The following HIRA variants were observed in gnomAD, a reference collection of about 807,000 sequenced individuals.
The protein encoded by HIRA is histone cell cycle regulator, also known as protein HIRA.
Under a neutral mutation model 126.6 loss-of-function variants are expected in HIRA, and 13 were observed. The observed-to-expected ratio is 0.10, with a 90% CI of 0.07 to 0.16. The LOEUF (loss-of-function observed/expected upper bound fraction) is 0.16. Among genes scored for constraint, HIRA ranks in the 10% least tolerant of loss-of-function variants. The pLI is 1.00. For missense variants in HIRA, 834 were observed against 1,314.4 expected (o/e 0.63, Z 5.65); for synonymous variants, 511 against 520.0 (o/e 0.98, Z 0.24).
intron 1 of HIRA, among the ~76,000 whole-genome samples, chr22:19,429,180 C>T (rs1601867652): frequency 8.8e-6 from 1 of 113,362 alleles, no homozygotes. Context: ...TCACTGTCAT[C>T]AGGCTGGAGT....
intron 9 of HIRA, among the ~76,000 whole-genome samples, chr22:19,391,836 A>G (rs1197868236): frequency 6.6e-6 from 1 of 152,140 alleles, no homozygotes; most frequent in Non-Finnish European, 1.5e-5. Context: ...GGCATTGACC[A>G]CTGAGGGTGC....
intron 24 of HIRA, among the ~76,000 whole-genome samples, chr22:19,338,232 T>C (rs558069825): frequency 2.7e-4 from 41 of 152,286 alleles, no homozygotes; most frequent in Non-Finnish European, 4.9e-4. Flanking sequence ...GTGTCATATA[T>C]GAAGGAGGCA....
chr22:19,375,921 A>T (rs1601828095), intron 14 of HIRA, 129 bp from the exon 15 acceptor site: 1 of 980,096 alleles, frequency 1.0e-6, no homozygotes, highest in South Asian at 1.7e-5. Context: ...AAAAAATGTC[A>T]AGATACAATC....
chr22:19,366,987 T>G (rs1031106762), intron 15 of HIRA, among the ~76,000 whole-genome samples: 2 of 152,180 alleles, frequency 1.3e-5, no homozygotes, highest in Non-Finnish European at 2.9e-5. Context: ...GGTCTTGAGC[T>G]CCTGACCTCA....
rs2088752571 is a variant in HIRA at position 19,351,133 on chromosome 22, G to C, written c.2937+225C>G. Reference sequence around the variant, plus strand: ...CCTGCAGGCAGCCTCCCTCAGCACAGGCACGTGGCGGAGCACTCCGTGGCT... The same window carrying C: ...CCTGCAGGCAGCCTCCCTCAGCACACGCACGTGGCGGAGCACTCCGTGGCT... On this transcript the variant is annotated intron_variant, in intron 24 of 24. Transcript: ENST00000263208. This position sits in a 1 kb window ranked among gnomAD's most constrained non-coding sequence, Gnocchi z 4.8. 1.0e-6 allele frequency: 1 copy of C among 985,346 alleles called. No individual in the cohort carries two copies. Among genetic ancestry groups the C allele is most frequent in the East Asian group, 1.1e-4 (1 of 8,796 alleles). The allele number at this position is 985,346 out of a possible 1,614,324, so 61.0% of individuals were successfully genotyped here. A position where few individuals can be genotyped will look rare whatever the true frequency, so the allele number is the denominator to read the frequency against.
At chr22:19,375,231 T>C (rs1324283292) in intron 15 of HIRA, among the ~76,000 whole-genome samples, 1 of 152,188 alleles carries the variant, frequency 6.6e-6, no homozygotes, top group Non-Finnish European at 1.5e-5. Flanking sequence ...CTCTGGTCAG[T>C]TTCTGAGTGG....
intron 1 of HIRA, among the ~76,000 whole-genome samples, chr22:19,420,256 G>C (rs1365142699): frequency 2.0e-5 from 3 of 151,736 alleles, no homozygotes; most frequent in Non-Finnish European, 4.4e-5. Flanking sequence ...TGAGGAATTC[G>C]AGACCACTTT....
intron 3 of HIRA, among the ~76,000 whole-genome samples, chr22:19,408,126 C>CA (rs1283598809): frequency 6.6e-6 from 1 of 152,200 alleles, no homozygotes; most frequent in Non-Finnish European, 1.5e-5. Flanking sequence ...CAGAGAGCCT[C>CA]AGAGTGACAC....
chr22:19,416,248 A>C (rs993938986), intron 1 of HIRA, among the ~76,000 whole-genome samples: 13 of 152,218 alleles, frequency 8.5e-5, no homozygotes, highest in African/African-American at 3.1e-4. Context: ...ACCTGCATAT[A>C]TATCTTAGAA....
chr22:19,368,692 T>C (rs1351875930), intron 15 of HIRA, among the ~76,000 whole-genome samples: 1 of 152,138 alleles, frequency 6.6e-6, no homozygotes, highest in East Asian at 1.9e-4. Flanking sequence ...TTGTGAAACA[T>C]GGAAAAAAAG....
At chr22:19,346,496 A>G (rs781846831) in intron 24 of HIRA, among the ~76,000 whole-genome samples, 12 of 152,258 alleles carry the variant, frequency 7.9e-5, no homozygotes, top group Non-Finnish European at 1.5e-4. Context: ...TGTTGAGATC[A>G]GGAGAGGACC....
At chr22:19,399,305 T>C (rs1231701797) in intron 5 of HIRA, 1 of 219,252 alleles carries the variant, frequency 4.6e-6, no homozygotes, top group Non-Finnish European at 7.7e-6. Flanking sequence ...TCCAAATATC[T>C]ATTGTATTTT....
chr22:19,355,134 T>C (rs2088798876), intron 21 of HIRA, among the ~76,000 whole-genome samples: 1 of 151,966 alleles, frequency 6.6e-6, no homozygotes, highest in African/African-American at 2.4e-5. Context: ...TGGCAGTTCT[T>C]AACAGAAAAG....
At chr22:19,416,210 T>C (rs960476461) in intron 1 of HIRA, among the ~76,000 whole-genome samples, 4 of 152,240 alleles carry the variant, frequency 2.6e-5, no homozygotes, top group African/African-American at 9.6e-5. Context: ...TCTCATACCA[T>C]ATACAATTAA....
chr22:19,340,571 C>T (rs189939815), intron 24 of HIRA, among the ~76,000 whole-genome samples: 64 of 152,166 alleles, frequency 4.2e-4, no homozygotes, highest in Non-Finnish European at 1.9e-4. Flanking sequence ...AAGGGGAAGT[C>T]AAAATATCGC....
chr22:19,375,867 G>A, intron 14 of HIRA, 75 bp from the exon 15 acceptor site: 1 of 1,482,450 alleles, frequency 6.7e-7, no homozygotes, highest in Non-Finnish European at 9.2e-7. Flanking sequence ...TGCATTATTT[G>A]GAGCCTACTA....
At chr22:19,406,426 C>T (rs553556341) in intron 4 of HIRA, among the ~76,000 whole-genome samples, 1 of 152,286 alleles carries the variant, frequency 6.6e-6, no homozygotes, top group South Asian at 2.1e-4. Context: ...GGCAGAGAAA[C>T]CACGCGATCT....
At chr22:19,368,458 G>C (rs532490466) in intron 15 of HIRA, among the ~76,000 whole-genome samples, 5 of 151,306 alleles carry the variant, frequency 3.3e-5, no homozygotes, top group African/African-American at 1.2e-4. Context: ...TCAGACATTT[G>C]CCTCTTCAAA....
At chr22:19,424,800 T>TA (rs1449247765) in intron 1 of HIRA, among the ~76,000 whole-genome samples, 4 of 152,180 alleles carry the variant, frequency 2.6e-5, no homozygotes. Context: ...CTGCAAGTCA[T>TA]AGAGAATTTC....
Sources: allele counts gnomAD v4.1 joint callset (sites outside exome capture counted in the v4.1 genomes callset), GRCh38; gene constraint gnomAD v4.1.1; non-coding constraint Gnocchi (gnomAD v3.1); transcripts MANE v1.5; gene names NCBI Gene and HGNC (gene_info 2026-07-23, HGNC 2026-07-21).